Variants in FAR2 observed in about 807,000 individuals in gnomAD.
FAR2 encodes epididymis secretory protein Li 81.
Under a neutral mutation model 56.0 loss-of-function variants are expected in FAR2, and 19 were observed. The observed-to-expected ratio is 0.34, with a 90% CI of 0.24 to 0.50. The LOEUF (loss-of-function observed/expected upper bound fraction) is 0.50. FAR2 is among the 20% of genes least tolerant of loss of function. The pLI is 0.98. For synonymous variants in FAR2, 219 were observed against 218.8 expected (o/e 1.00, Z -0.01); for missense variants, 508 against 642.2 (o/e 0.79, Z 2.26).
chr12:29,259,921 G>A (rs991987820), intron 1 of FAR2, among the ~76,000 whole-genome samples: 6 of 152,162 alleles, frequency 3.9e-5, no homozygotes, highest in Non-Finnish European at 8.8e-5. Context: ...TCATGAGCAT[G>A]AGGGGTAGGA....
At chr12:29,230,175 C>T (rs568323812) in intron 1 of FAR2, among the ~76,000 whole-genome samples, 33 of 152,136 alleles carry the variant, frequency 2.2e-4, no homozygotes, top group Admixed American at 8.5e-4. Context: ...AAACAGATGA[C>T]GTAAACTACA....
chr12:29,296,929 A>T, intron 3 of FAR2, 92 bp from the exon 4 acceptor site: 1 of 1,226,614 alleles, frequency 8.2e-7, no homozygotes, highest in Non-Finnish European at 1.1e-6. Flanking sequence ...CCAAAATCTG[A>T]TAGGTATGCC....
chr12:29,229,819 CAG>C (rs1236923768), intron 1 of FAR2, among the ~76,000 whole-genome samples: 2 of 151,950 alleles, frequency 1.3e-5, no homozygotes, highest in African/African-American at 2.4e-5. Flanking sequence ...ACAGATTAGA[CAG>C]AATACTGAAG....
At chr12:29,274,899 C>T (rs1354871813) in intron 2 of FAR2, among the ~76,000 whole-genome samples, 19 of 151,006 alleles carry the variant, frequency 1.3e-4, no homozygotes. Context: ...GTGAAATAAA[C>T]AGCCTTGTTG....
rs1162267145 is a variant in FAR2, at chr12:29,333,677, C to T, written c.1431C>T (p.Ile477=). Residue 477 remains isoleucine (I), a synonymous_variant, in exon 12 of 12, where the codon ATC becomes ATT. Coordinates refer to ENST00000536681, the MANE Select transcript of FAR2 (RefSeq NM_001271783.2). ...HYLFNTALFL[I]AWRLLIARSQ... is the part of the protein sequence containing the mutation. Reference sequence around the variant, plus strand: ...TCTTTAATACTGCCCTCTTCCTTATCGCCTGGCGCCTTCTCATTGCAAGAT... The same window carrying T: ...TCTTTAATACTGCCCTCTTCCTTATTGCCTGGCGCCTTCTCATTGCAAGAT... 2.5e-6 allele frequency: 4 copies of T among 1,613,638 alleles called. No individual in the cohort carries two copies. The highest frequency in any genetic ancestry group is 2.2e-5 in the East Asian group (1 of 44,890).
chr12:29,201,091 A>T (rs990041046), intron 1 of FAR2, among the ~76,000 whole-genome samples: 1 of 152,080 alleles, frequency 6.6e-6, no homozygotes, highest in Non-Finnish European at 1.5e-5. Flanking sequence ...CCTGTCTAGC[A>T]TTTGGATGCC....
chr12:29,155,948 C>G (rs1044730441), intron 1 of FAR2, among the ~76,000 whole-genome samples: 6 of 152,054 alleles, frequency 3.9e-5, no homozygotes, highest in African/African-American at 1.4e-4. Context: ...CTAGTAGGTC[C>G]TCAAACATTA....
intron 1 of FAR2, among the ~76,000 whole-genome samples, chr12:29,191,432 G>A (rs1950102135): frequency 6.6e-6 from 1 of 152,238 alleles, no homozygotes; most frequent in Non-Finnish European, 1.5e-5. Context: ...ACAATCGCAA[G>A]ATTATGTGTG....
intron 1 of FAR2, among the ~76,000 whole-genome samples, chr12:29,193,500 T>C (rs965959605): frequency 3.3e-5 from 5 of 152,234 alleles, no homozygotes; most frequent in African/African-American, 1.2e-4. Context: ...TCAGACAGTA[T>C]GTAGCCTTTT....
chr12:29,306,861 A>C (rs1204164207), intron 4 of FAR2, among the ~76,000 whole-genome samples: 2 of 152,202 alleles, frequency 1.3e-5, no homozygotes. Flanking sequence ...ACCCCACTTG[A>C]CAGACTTCAG....
intron 1 of FAR2, among the ~76,000 whole-genome samples, chr12:29,235,624 A>G (rs1947927840): frequency 6.6e-6 from 1 of 152,200 alleles, no homozygotes; most frequent in South Asian, 2.1e-4. Context: ...CCTATAAGCC[A>G]TGCAAGAACT....
rs1401003194 is a variant in FAR2, at chr12:29,153,060, A to G, written c.-39+3653A>G. ...TCCCTCTAGCTAGCTTCATTCATGT[A>G]ATAAATAATTAGGCCCATTCTGTGA... On this transcript the variant is annotated intron_variant, in intron 1 of 11. Transcript: ENST00000536681. Among the ~76,000 whole-genome samples the G allele has an allele frequency of 4.6e-5, 7 of 152,340 alleles. No homozygotes were observed. The East Asian group carries it at 1.4e-3, about 29-fold the overall frequency.
At chr12:29,157,239 A>G (rs754357380) in intron 1 of FAR2, among the ~76,000 whole-genome samples, 1 of 151,282 alleles carries the variant, frequency 6.6e-6, no homozygotes, top group African/African-American at 2.4e-5. Flanking sequence ...TAATTGCCAG[A>G]CACTAAGAAT....
intron 2 of FAR2, among the ~76,000 whole-genome samples, chr12:29,278,665 C>T (rs1415555262): frequency 1.3e-5 from 2 of 151,982 alleles, no homozygotes; most frequent in African/African-American, 4.8e-5. Context: ...AGACTTTTAA[C>T]AACAAAAAAG....
intron 1 of FAR2, among the ~76,000 whole-genome samples, chr12:29,230,408 G>A (rs1389215544): frequency 2.0e-5 from 3 of 151,954 alleles, no homozygotes; most frequent in Admixed American, 6.6e-5. Context: ...CTGTGTCTGA[G>A]TATGTGTTGT....
intron 1 of FAR2, among the ~76,000 whole-genome samples, chr12:29,163,258 G>T: frequency 6.6e-6 from 1 of 152,210 alleles, no homozygotes; most frequent in East Asian, 1.9e-4. Flanking sequence ...GTTAAATGGG[G>T]TTTATAATAG....
chr12:29,282,551 G>C (rs1342693041), intron 2 of FAR2, among the ~76,000 whole-genome samples: 1 of 135,152 alleles, frequency 7.4e-6, no homozygotes, highest in Non-Finnish European at 1.6e-5. Context: ...CTCACTGCAA[G>C]TACTACAGTG....
chr12:29,154,779 T>C (rs1476249189), intron 1 of FAR2, among the ~76,000 whole-genome samples: 1 of 1,738 alleles, frequency 5.8e-4, no homozygotes, highest in Non-Finnish European at 0.014. Flanking sequence ...TCCTAATGCA[T>C]GTTAATAATC....
chr12:29,215,855 C>T (rs980356608), intron 1 of FAR2, among the ~76,000 whole-genome samples: 21 of 151,892 alleles, frequency 1.4e-4, no homozygotes, highest in Non-Finnish European at 2.5e-4. Context: ...AGTATAAGAA[C>T]GATTTCCCTT....
Sources: allele counts gnomAD v4.1 joint callset (sites outside exome capture counted in the v4.1 genomes callset), GRCh38; gene constraint gnomAD v4.1.1; transcripts MANE v1.5; gene names NCBI Gene and HGNC (gene_info 2026-07-23, HGNC 2026-07-21).